Variants in HACD2 observed in about 807,000 individuals in gnomAD.
The protein encoded by HACD2 is very-long-chain (3R)-3-hydroxyacyl-CoA dehydratase 2.
In HACD2, 15 loss-of-function variants were observed where a neutral mutation model predicts 31.0. The observed-to-expected ratio is 0.48, with a 90% CI of 0.32 to 0.75. The LOEUF is 0.75. Ranked by LOEUF, HACD2 falls within the 30% of genes least tolerant of loss-of-function variation. The pLI, the probability that HACD2 is intolerant of heterozygous loss-of-function variation, is 0.03. For missense variants in HACD2, 283 were observed against 313.0 expected, an observed-to-expected ratio of 0.90 and a Z score of 0.72; for synonymous variants, 115 against 122.2, an observed-to-expected ratio of 0.94 and a Z score of 0.39.
chr3:123,585,036 C>G lies in HACD2; in HGVS notation c.-9G>C. 3 of 1,473,060 alleles carry G rather than the reference C, an allele frequency of 2.0e-6. No individual in the cohort carries two copies. Among genetic ancestry groups the G allele is most frequent in the Non-Finnish European group, 2.7e-6 (3 of 1,114,068 alleles). 91.2% of individuals were successfully genotyped at this position (1,473,060 alleles called of 1,614,324 possible). ...GCCGCCACTGCCGCCATGTCAAGTGCCCGAAGCCCGCTCTCCTAGCGCGAG... is the reference window on the plus strand; with the variant it reads ...GCCGCCACTGCCGCCATGTCAAGTGGCCGAAGCCCGCTCTCCTAGCGCGAG... On this transcript the variant is annotated 5_prime_UTR_variant, in exon 1 of 7. Transcript: ENST00000383657.
intron 3 of HACD2, among the ~76,000 whole-genome samples, chr3:123,536,267 T>C (rs1050059438): frequency 6.6e-6 from 1 of 152,182 alleles, no homozygotes; most frequent in Non-Finnish European, 1.5e-5. Flanking sequence ...TTCAAATCCT[T>C]AAATTGTAGC....
chr3:123,578,358 A>C (rs770289871), intron 2 of HACD2, among the ~76,000 whole-genome samples: 5 of 152,000 alleles, frequency 3.3e-5, no homozygotes, highest in Non-Finnish European at 5.9e-5. Flanking sequence ...GTAGCCTTGA[A>C]CTCCTGGGCA....
At chr3:123,537,136 GGAGT>G (rs2056436104) in intron 3 of HACD2, among the ~76,000 whole-genome samples, 1 of 152,142 alleles carries the variant, frequency 6.6e-6, no homozygotes, top group African/African-American at 2.4e-5. Flanking sequence ...TTTAAAAATA[GGAGT>G]GAGGGAAGAG....
chr3:123,537,921 T>C (rs377541522), intron 3 of HACD2, among the ~76,000 whole-genome samples: 10 of 152,334 alleles, frequency 6.6e-5, no homozygotes, highest in Admixed American at 2.0e-4. Context: ...CTTTTGGCAC[T>C]AGCAAAAAGA....
intron 4 of HACD2, among the ~76,000 whole-genome samples, chr3:123,508,315 C>T (rs541421676): frequency 3.9e-5 from 6 of 152,192 alleles, no homozygotes; most frequent in South Asian, 2.1e-4. Context: ...AAGGTTTCCA[C>T]CCCCTGCTCT....
chr3:123,501,172 T>A (rs111740765), intron 5 of HACD2, among the ~76,000 whole-genome samples: 14,717 of 152,186 alleles, frequency 0.097, 970 homozygotes, highest in African/African-American at 0.2. Flanking sequence ...ATACTGCTAC[T>A]ATTTTTCAAA....
At chr3:123,528,336 G>T in intron 4 of HACD2, 50 bp downstream of exon 4, 1 of 1,092,102 alleles carries the variant, frequency 9.2e-7, no homozygotes, top group South Asian at 1.3e-5. Context: ...CAGAAAAGTT[G>T]ACTAGTGTTT....
intron 3 of HACD2, among the ~76,000 whole-genome samples, chr3:123,563,082 T>C (rs997972901): frequency 2.3e-4 from 35 of 152,246 alleles, no homozygotes; most frequent in African/African-American, 7.0e-4. Flanking sequence ...AGGTACTATG[T>C]ACTTACTGTA....
rs143211385 is a variant in HACD2, at chr3:123,548,428, C to A, written c.292+19334G>T. Among the ~76,000 whole-genome samples, 54 of 152,220 alleles carry A rather than the reference C, an allele frequency of 3.5e-4. 1 individual carries two copies. Among genetic ancestry groups the A allele is most frequent in the Non-Finnish European group, 1.3e-4 (9 of 68,010 alleles). ...CTACAGCCCTAGCCAACACTTTGAC[C>A]GCAACTGCATGAGAGACTGGGCCAG... On this transcript the variant is annotated intron_variant, in intron 3 of 6. Transcript: ENST00000383657.
chr3:123,506,935 CAT>C (rs1404595820), intron 4 of HACD2, among the ~76,000 whole-genome samples: 1 of 152,138 alleles, frequency 6.6e-6, no homozygotes, highest in Non-Finnish European at 1.5e-5. Flanking sequence ...TAACTAGAAA[CAT>C]ATAAACATAT....
At chr3:123,536,385 C>T (rs985480060) in intron 3 of HACD2, among the ~76,000 whole-genome samples, 2 of 152,178 alleles carry the variant, frequency 1.3e-5, no homozygotes, top group South Asian at 4.1e-4. Flanking sequence ...ACTGCTAACA[C>T]TTCAACAAGA....
In HACD2 at chr3:123,582,173, C is replaced by T. The variant is rs752116423; in HGVS notation, c.273+39G>A. The stretch of plus-strand genomic sequence containing the variant: ...TTTAGTTGCATGTTTTTCTTCATAC[C>T]AATGGAAATCAATAACAACAATAAA... On this transcript the variant is annotated intron_variant, in intron 2 of 6. Transcript: ENST00000383657. 3.1e-6 allele frequency: 4 copies of T among 1,303,382 alleles called. No homozygotes were observed. The African/African-American group carries it at 4.5e-5, about 15-fold the overall frequency. 80.7% of individuals were successfully genotyped at this position (1,303,382 alleles called of 1,614,324 possible). A position where few individuals can be genotyped will look rare whatever the true frequency, so the allele number is the denominator to read the frequency against.
chr3:123,499,762 G>T (rs1316056419), intron 6 of HACD2: 6 of 375,676 alleles, frequency 1.6e-5, no homozygotes, highest in Non-Finnish European at 3.2e-5. Context: ...GTTATAAGAA[G>T]ATCTTTTGGT....
chr3:123,512,735 G>A (rs1045378094), intron 4 of HACD2, among the ~76,000 whole-genome samples: 5 of 152,130 alleles, frequency 3.3e-5, no homozygotes, highest in Non-Finnish European at 7.4e-5. Flanking sequence ...AGAACACTGA[G>A]GTATTAGACT....
intron 1 of HACD2, 87 bp downstream of exon 1, chr3:123,584,786 C>G (rs2057009360): frequency 9.1e-7 from 1 of 1,103,238 alleles, no homozygotes; most frequent in African/African-American, 1.7e-5. Context: ...TGCGGCGGGC[C>G]GCGCCGATCC....
At chr3:123,495,596 TAA>T (rs57926133) in intron 6 of HACD2, among the ~76,000 whole-genome samples, 218 of 148,176 alleles carry the variant, frequency 1.5e-3, no homozygotes, top group Admixed American at 2.7e-3. Context: ...GTTTGGATGT[TAA>T]AAAAAAAAAA....
chr3:123,522,021 T>C (rs1345522519), intron 4 of HACD2, among the ~76,000 whole-genome samples: 2 of 152,096 alleles, frequency 1.3e-5, no homozygotes, highest in Non-Finnish European at 2.9e-5. Flanking sequence ...GTGAGCCCAC[T>C]CTTGGCCGGT....
At chr3:123,507,865 T>C (rs1247165836) in intron 4 of HACD2, among the ~76,000 whole-genome samples, 2 of 152,154 alleles carry the variant, frequency 1.3e-5, no homozygotes, top group Non-Finnish European at 2.9e-5. Flanking sequence ...ACACTTAACA[T>C]GGTTGAATTT....
intron 3 of HACD2, among the ~76,000 whole-genome samples, chr3:123,534,400 T>A (rs2056401087): frequency 6.6e-6 from 1 of 152,062 alleles, no homozygotes; most frequent in Non-Finnish European, 1.5e-5. Flanking sequence ...TCATTACTCA[T>A]ATGTTTCTGA....
Sources: gnomAD v4.1 joint callset for allele counts (sites outside exome capture counted in the v4.1 genomes callset) on GRCh38, gnomAD v4.1.1 for gene constraint, MANE v1.5 for transcripts, NCBI Gene and HGNC (gene_info 2026-07-23, HGNC 2026-07-21) for gene names.